The following DIP2C variants were observed in gnomAD, a reference collection of about 807,000 sequenced individuals.
DIP2C encodes the protein disco-interacting protein 2 homolog C.
A neutral mutation model predicts 192.4 loss-of-function variants in DIP2C; 33 were observed. The observed-to-expected ratio is 0.17, with a 90% CI of 0.13 to 0.23. The LOEUF is 0.23. DIP2C is among the 10% of genes least tolerant of loss of function. The pLI, the probability that DIP2C is intolerant of heterozygous loss-of-function variation, is 1.00. For synonymous variants in DIP2C, 979 were observed against 864.1 expected (o/e 1.13, Z -2.33); for missense variants, 1,537 against 2,110.1 (o/e 0.73, Z 5.32).
At chr10:431,181 G>T (rs1966852126) in intron 4 of DIP2C, among the ~76,000 whole-genome samples, 1 of 152,112 alleles carries the variant, frequency 6.6e-6, no homozygotes, top group African/African-American at 2.4e-5. Context: ...ATATTGAAGT[G>T]GCTGTTCTGA....
At position 413,916 on chromosome 10, in the gene DIP2C, A is replaced by G; in HGVS notation, c.1054T>C (p.Tyr352His). The change falls in exon 8 of 37, where the codon TAC becomes CAC. Residue 352 changes from tyrosine to histidine, a missense_variant. Tyr to His is a moderately conservative substitution (Grantham distance 83). Transcript: ENST00000280886. ...AGAGAGTGAGCCTGGGGATTACCGT[A>G]AGTGAGGATGTAGAGGGGCTTCCCG... ...TNGKPLYILTYGKLWTRSMKV... is the reference protein window; with the variant it reads ...TNGKPLYILTHGKLWTRSMKV... 1 of 1,613,746 alleles carries G rather than the reference A, an allele frequency of 6.2e-7. No individual in the cohort carries two copies. The highest frequency in any genetic ancestry group is 8.5e-7 in the Non-Finnish European group (1 of 1,179,784).
At chr10:623,351 G>A (rs1170773887) in intron 1 of DIP2C, among the ~76,000 whole-genome samples, 1 of 151,644 alleles carries the variant, frequency 6.6e-6, no homozygotes, top group Admixed American at 6.6e-5. Context: ...CAGCCGTGCT[G>A]GCGAGGGAGG....
chr10:652,172 A>G lies in DIP2C; in HGVS notation c.85+37322T>C, dbSNP rs1855963504. ...CATGAGCAGCACGATAAACAGAATGAGCAAAATTCAAAAACTAAAGCAGCG... is the reference window on the plus strand; with the variant it reads ...CATGAGCAGCACGATAAACAGAATGGGCAAAATTCAAAAACTAAAGCAGCG... On this transcript the variant is annotated intron_variant, in intron 1 of 36. Coordinates refer to ENST00000280886, the MANE Select transcript of DIP2C (RefSeq NM_014974.3). The surrounding 1 kb of genome is among the most constrained non-coding windows in gnomAD (Gnocchi z 4.5). The G allele has an allele frequency of 6.1e-6, 1 of 163,130 alleles. No individual in the cohort carries two copies. The highest frequency in any genetic ancestry group is 2.4e-5 in the African/African-American group (1 of 41,504). 10.1% of individuals were successfully genotyped at this position (163,130 alleles called of 1,614,324 possible).
At position 559,570 on chromosome 10, in the gene DIP2C, T is replaced by C. The variant is rs941258490; in HGVS notation, c.86-73040A>G. ...CCTCAGAGCAGATGCAACACTGGGC[T>C]TTCTTGGTGTCTGGAGAAAGCAGGA... is the stretch of plus-strand genomic sequence containing the variant. On this transcript the variant is annotated intron_variant, in intron 1 of 36. Transcript: ENST00000280886. Among the ~76,000 whole-genome samples, 4 of 152,172 alleles carry C rather than the reference T, an allele frequency of 2.6e-5. No individual in the cohort carries two copies. In the East Asian group the frequency reaches 7.7e-4, roughly 29 times the overall value.
At chr10:603,982 C>T (rs1380439560) in intron 1 of DIP2C, among the ~76,000 whole-genome samples, 1 of 150,626 alleles carries the variant, frequency 6.6e-6, no homozygotes, top group African/African-American at 2.4e-5. Flanking sequence ...CAAGCCCCTC[C>T]GGCCCCAGCT....
At chr10:644,332 C>T (rs1855349570) in intron 1 of DIP2C, among the ~76,000 whole-genome samples, 1 of 152,278 alleles carries the variant, frequency 6.6e-6, no homozygotes, top group East Asian at 1.9e-4. Flanking sequence ...CTGACAGCAA[C>T]TCTGTTTAGT....
At chr10:540,969 T>G (rs1847949519) in intron 1 of DIP2C, among the ~76,000 whole-genome samples, 1 of 151,930 alleles carries the variant, frequency 6.6e-6, no homozygotes, top group Non-Finnish European at 1.5e-5. Flanking sequence ...TACACGCAGA[T>G]GGGGAAGGAT....
chr10:663,835 G>C (rs1856909296), intron 1 of DIP2C: 1 of 151,404 alleles, frequency 6.6e-6, no homozygotes, highest in East Asian at 1.9e-4. Context: ...TGGGAGGAGG[G>C]ATGCTGATGG....
intron 32 of DIP2C, among the ~76,000 whole-genome samples, chr10:289,973 C>G (rs142743928): frequency 1.1e-4 from 16 of 152,348 alleles, no homozygotes; most frequent in African/African-American, 1.2e-4. Context: ...ATTCCTCCCC[C>G]CAGCCTGCTG....
chr10:341,669 A>C (rs1258567164), intron 28 of DIP2C, among the ~76,000 whole-genome samples: 1 of 152,252 alleles, frequency 6.6e-6, no homozygotes, highest in Non-Finnish European at 1.5e-5. Context: ...AGCCGCATTA[A>C]ATGCGTGGGG....
chr10:511,773 C>A (rs963991652), intron 1 of DIP2C, among the ~76,000 whole-genome samples: 1 of 152,138 alleles, frequency 6.6e-6, no homozygotes, highest in East Asian at 1.9e-4. Flanking sequence ...CACAGACACA[C>A]CCACAACCGC....
intron 4 of DIP2C, among the ~76,000 whole-genome samples, chr10:426,046 C>T (rs990219504): frequency 3.9e-5 from 6 of 152,170 alleles, no homozygotes; most frequent in African/African-American, 1.4e-4. Context: ...ATAATAAAGA[C>T]ATCCAGATTA....
At position 469,805 on chromosome 10, in the gene DIP2C, G is replaced by A. The variant is rs1041749182; in HGVS notation, c.268+2634C>T. Among the ~76,000 whole-genome samples the A allele has an allele frequency of 3.3e-5, 5 of 152,284 alleles. No homozygotes were observed. The East Asian group carries it at 5.8e-4, about 18-fold the overall frequency. On this transcript the variant is annotated intron_variant, in intron 3 of 36. Coordinates refer to ENST00000280886, the MANE Select transcript of DIP2C (RefSeq NM_014974.3). Reference sequence around the variant, plus strand: ...CAGGATCAAGTCCAAATTCCCGAGCGTGATGCACAAGATGCTATAACCCAG... The same window carrying A: ...CAGGATCAAGTCCAAATTCCCGAGCATGATGCACAAGATGCTATAACCCAG...
rs1954509316 is a variant in DIP2C at position 276,229 on chromosome 10, G to GA, written c.*1095dup. 6.6e-6 allele frequency: 1 copy of GA among 152,554 alleles called. No homozygotes were observed. Among genetic ancestry groups the GA allele is most frequent in the Non-Finnish European group, 1.5e-5 (1 of 68,002 alleles). The allele number at this position is 152,554 out of a possible 1,614,324, so 9.5% of individuals were successfully genotyped here. On this transcript the variant is annotated 3_prime_UTR_variant, in exon 37 of 37. Transcript: ENST00000280886. The stretch of plus-strand genomic sequence containing the variant: ...ACATTCACTGTTGTCCCACAGCAAA[G>GA]AAAAAAATAGTGCACATTGAGCTTT...
chr10:390,989 G>A (rs948914056), intron 10 of DIP2C, 126 bp from the exon 11 acceptor site: 4 of 1,385,258 alleles, frequency 2.9e-6, no homozygotes, highest in South Asian at 1.4e-5. Flanking sequence ...CCCCAGCCCT[G>A]CTGCTTGGTA....
intron 9 of DIP2C, among the ~76,000 whole-genome samples, chr10:407,947 T>C (rs1964923844): frequency 6.6e-6 from 1 of 152,240 alleles, no homozygotes; most frequent in Non-Finnish European, 1.5e-5. Flanking sequence ...TTTATTTATT[T>C]TCCTTTTGTT....
chr10:606,176 G>T (rs1588579875), intron 1 of DIP2C, among the ~76,000 whole-genome samples: 2 of 152,224 alleles, frequency 1.3e-5, no homozygotes, highest in African/African-American at 4.8e-5. Flanking sequence ...AACGAGTCCT[G>T]CATAAACCCT....
At chr10:484,259 A>G (rs947468610) in intron 2 of DIP2C, among the ~76,000 whole-genome samples, 8 of 152,232 alleles carry the variant, frequency 5.3e-5, no homozygotes, top group Non-Finnish European at 1.0e-4. Flanking sequence ...ACTGTCCGCC[A>G]AAGTAATTCT....
At chr10:339,617 G>T (rs914081980) in intron 29 of DIP2C, among the ~76,000 whole-genome samples, 16 of 152,138 alleles carry the variant, frequency 1.1e-4, no homozygotes, top group African/African-American at 3.9e-4. Context: ...TACAAGGGCC[G>T]TTGTTCAGAA....
Sources: gnomAD v4.1 joint callset for allele counts (sites outside exome capture counted in the v4.1 genomes callset) on GRCh38, gnomAD v4.1.1 for gene constraint, Gnocchi (gnomAD v3.1) non-coding constraint, MANE v1.5 for transcripts, NCBI Gene and HGNC (gene_info 2026-07-23, HGNC 2026-07-21) for gene names.